CTNND2: variants seen among roughly 807,000 people sequenced by gnomAD.
CTNND2 encodes catenin delta-2.
CTNND2 carries 22 observed loss-of-function variants against 144.4 expected under a neutral mutation model. The observed-to-expected ratio is 0.15, with a 90% CI of 0.11 to 0.22. The LOEUF is 0.22. Among genes scored for constraint, CTNND2 ranks in the 10% least tolerant of loss-of-function variants. The pLI is 1.00. For synonymous variants in CTNND2, 751 were observed against 695.6 expected, an observed-to-expected ratio of 1.08 and a Z score of -1.25; for missense variants, 1,353 against 1,618.8, an observed-to-expected ratio of 0.84 and a Z score of 2.82.
At chr5:11,777,016 A>C (rs1457124726) in intron 1 of CTNND2, among the ~76,000 whole-genome samples, 1 of 150,888 alleles carries the variant, frequency 6.6e-6, no homozygotes, top group African/African-American at 2.4e-5. Flanking sequence ...CTACTTGTTA[A>C]AAAATACTCA....
intron 3 of CTNND2, among the ~76,000 whole-genome samples, chr5:11,437,608 G>GGAAA (rs1763883455): frequency 6.6e-6 from 1 of 152,146 alleles, no homozygotes; most frequent in Admixed American, 6.5e-5. Flanking sequence ...GCATAATAAG[G>GGAAA]GAAAGAGCAT....
chr5:11,574,543 T>C (rs1005722702), intron 2 of CTNND2, among the ~76,000 whole-genome samples: 1 of 152,112 alleles, frequency 6.6e-6, no homozygotes, highest in Non-Finnish European at 1.5e-5. Flanking sequence ...GAACTATAGC[T>C]CATCATTTCA....
At chr5:11,290,656 G>T (rs748740708) in intron 9 of CTNND2, among the ~76,000 whole-genome samples, 3 of 152,098 alleles carry the variant, frequency 2.0e-5, no homozygotes, top group Non-Finnish European at 2.9e-5. Context: ...TATATGAAAA[G>T]GTACGTTTCA....
At position 11,199,366 on chromosome 5, in the gene CTNND2, T is replaced by C. The variant is rs935826640; in HGVS notation, c.1975+82A>G. Reference sequence around the variant, plus strand: ...GTTATTAGAACACCACAATATTTATTTGATTAGTACATTTGCCTCTGTGTT... The same window carrying C: ...GTTATTAGAACACCACAATATTTATCTGATTAGTACATTTGCCTCTGTGTT... On this transcript the variant is annotated intron_variant, in intron 11 of 21. Coordinates refer to ENST00000304623, the MANE Select transcript of CTNND2 (RefSeq NM_001332.4). The C allele has an allele frequency of 3.0e-5, 37 of 1,228,944 alleles. 1 individual carries two copies. In the Middle Eastern group the frequency reaches 1.7e-3, roughly 56 times the overall value. The allele number at this position is 1,228,944 out of a possible 1,614,324, so 76.1% of individuals were successfully genotyped here.
At chr5:11,892,363 ATATC>A (rs1170541379) in intron 1 of CTNND2, among the ~76,000 whole-genome samples, 1 of 152,198 alleles carries the variant, frequency 6.6e-6, no homozygotes, top group East Asian at 1.9e-4. Flanking sequence ...ATGACCATAA[ATATC>A]TATCTTCAAA....
At chr5:11,033,957 T>G (rs1743779398) in intron 16 of CTNND2, among the ~76,000 whole-genome samples, 1 of 152,070 alleles carries the variant, frequency 6.6e-6, no homozygotes, top group Admixed American at 6.6e-5. Context: ...AGCAAAGAAA[T>G]AAAAGTTGAT....
chr5:11,264,080 G>C (rs1406519654), intron 9 of CTNND2, among the ~76,000 whole-genome samples: 1 of 152,092 alleles, frequency 6.6e-6, no homozygotes, highest in African/African-American at 2.4e-5. Flanking sequence ...TTTATTCTTA[G>C]TTCTGGCCAT....
intron 1 of CTNND2, among the ~76,000 whole-genome samples, chr5:11,764,979 A>G (rs111763653): frequency 3.3e-4 from 50 of 152,310 alleles, no homozygotes; most frequent in African/African-American, 1.2e-3. Flanking sequence ...TCCATTGGCC[A>G]TGGGGCAACA....
intron 12 of CTNND2, among the ~76,000 whole-genome samples, chr5:11,157,955 C>G (rs939568750): frequency 6.6e-6 from 1 of 152,182 alleles, no homozygotes. Flanking sequence ...GTAAAGGGGA[C>G]CCGTGAGCCT....
intron 1 of CTNND2, among the ~76,000 whole-genome samples, chr5:11,901,797 G>T (rs1737911071): frequency 6.6e-6 from 1 of 152,068 alleles, no homozygotes; most frequent in Admixed American, 6.5e-5. Flanking sequence ...GCCGCTCTGG[G>T]TACACACACA....
At chr5:11,565,665 C>A (rs1669745980) in intron 2 of CTNND2, among the ~76,000 whole-genome samples, 1 of 152,266 alleles carries the variant, frequency 6.6e-6, no homozygotes, top group East Asian at 1.9e-4. Flanking sequence ...TTTGATATAT[C>A]GCCTTAAAAA....
chr5:11,469,590 G>T (rs949554780), intron 3 of CTNND2, among the ~76,000 whole-genome samples: 2 of 152,074 alleles, frequency 1.3e-5, no homozygotes, highest in Non-Finnish European at 2.9e-5. Flanking sequence ...ACAAAGAAAG[G>T]TTCTAAGTAT....
intron 2 of CTNND2, among the ~76,000 whole-genome samples, chr5:11,607,836 C>G (rs1780128394): frequency 6.6e-6 from 1 of 152,166 alleles, no homozygotes; most frequent in African/African-American, 2.4e-5. Flanking sequence ...AAGGACCACA[C>G]CTTCTGCTAT....
intron 1 of CTNND2, among the ~76,000 whole-genome samples, chr5:11,775,053 C>T (rs563474078): frequency 2.8e-4 from 43 of 151,818 alleles, no homozygotes; most frequent in Non-Finnish European, 5.0e-4. Context: ...CAGAGCTGGG[C>T]GGGGGGGCGG....
intron 1 of CTNND2, among the ~76,000 whole-genome samples, chr5:11,867,668 T>C (rs1199902330): frequency 6.6e-6 from 1 of 152,142 alleles, no homozygotes; most frequent in Non-Finnish European, 1.5e-5. Flanking sequence ...CAATAATATC[T>C]ATGCTCTATA....
chr5:11,812,563 T>A (rs971758898), intron 1 of CTNND2, among the ~76,000 whole-genome samples: 1 of 152,156 alleles, frequency 6.6e-6, no homozygotes, highest in African/African-American at 2.4e-5. Flanking sequence ...GGGGCAGTGA[T>A]GGGGAGGTAC....
intron 9 of CTNND2, among the ~76,000 whole-genome samples, chr5:11,316,490 TTA>T (rs1751505142): frequency 6.7e-6 from 1 of 148,390 alleles, no homozygotes; most frequent in African/African-American, 2.5e-5. Flanking sequence ...ATTATTATTA[TTA>T]TTATTATTAT....
At chr5:11,245,376 G>A (rs895678724) in intron 9 of CTNND2, among the ~76,000 whole-genome samples, 2 of 152,168 alleles carry the variant, frequency 1.3e-5, no homozygotes, top group African/African-American at 2.4e-5. Flanking sequence ...ATCCTGAGAT[G>A]GGAGATGATC....
intron 8 of CTNND2, among the ~76,000 whole-genome samples, chr5:11,356,417 T>C (rs1755884194): frequency 1.3e-5 from 2 of 152,060 alleles, no homozygotes; most frequent in Admixed American, 6.6e-5. Context: ...CAACTTATTT[T>C]CAACAAAGGT....
Sources: allele counts gnomAD v4.1 joint callset (sites outside exome capture counted in the v4.1 genomes callset), GRCh38; gene constraint gnomAD v4.1.1; transcripts MANE v1.5; gene names NCBI Gene and HGNC (gene_info 2026-07-23, HGNC 2026-07-21).